NARS2: variants seen among roughly 807,000 people sequenced by gnomAD.
The protein encoded by NARS2 is asparaginyl-tRNA synthetase 2, mitochondrial.
A neutral mutation model predicts 62.9 loss-of-function variants in NARS2; 60 were observed. That is an observed-to-expected ratio of 0.95 (90% CI 0.77 to 1.18). The LOEUF (loss-of-function observed/expected upper bound fraction) is 1.18, where lower values mean the gene tolerates loss of function less well. Among genes scored for constraint, NARS2 ranks in the 50% most tolerant of loss-of-function variants. The pLI is 0.00. For synonymous variants in NARS2, 196 were observed against 200.0 expected (o/e 0.98, Z 0.17); for missense variants, 619 against 576.4 (o/e 1.07, Z -0.76).
Position 78,473,026 on chromosome 11 carries a change from T to C in NARS2, c.960-3713A>G, listed in dbSNP as rs139409988. Among the ~76,000 whole-genome samples the C allele has an allele frequency of 4.0e-3, 609 of 152,276 alleles. 10 individuals are homozygous for C. The highest frequency in any genetic ancestry group is 0.024 in the Middle Eastern group (7 of 294). ...GACTTAACAGTCTAAAGCAGCCGGGTGTGGTGGCCTGCACCAGTTGTCTCA... is the reference window on the plus strand; with the variant it reads ...GACTTAACAGTCTAAAGCAGCCGGGCGTGGTGGCCTGCACCAGTTGTCTCA... On this transcript the variant is annotated intron_variant, in intron 9 of 13. Coordinates refer to ENST00000281038, the MANE Select transcript of NARS2 (RefSeq NM_024678.6).
chr11:78,516,789 T>C (rs527496733), intron 6 of NARS2, among the ~76,000 whole-genome samples: 10 of 152,348 alleles, frequency 6.6e-5, no homozygotes, highest in Admixed American at 6.5e-5. Context: ...TAGAAACCCC[T>C]TTCCAATAGA....
intron 6 of NARS2, among the ~76,000 whole-genome samples, chr11:78,507,960 T>A (rs927770683): frequency 1.3e-5 from 2 of 152,114 alleles, no homozygotes; most frequent in Non-Finnish European, 2.9e-5. Context: ...TAAACAACTG[T>A]CTTAAAGACA....
intron 8 of NARS2, 26 bp from the exon 9 acceptor site, chr11:78,478,501 T>A (rs965206880): frequency 3.7e-5 from 45 of 1,227,528 alleles, no homozygotes; most frequent in Non-Finnish European, 4.4e-5. Context: ...AAAAAGAAAA[T>A]TTTAAAAATA....
chr11:78,504,319 T>A (rs1035621923), intron 6 of NARS2, among the ~76,000 whole-genome samples: 1 of 152,104 alleles, frequency 6.6e-6, no homozygotes, highest in South Asian at 2.1e-4. Flanking sequence ...TAAATCCACC[T>A]CTTAAATGTG....
intron 7 of NARS2, among the ~76,000 whole-genome samples, chr11:78,488,996 T>C (rs537947883): frequency 7.2e-5 from 11 of 152,212 alleles, no homozygotes; most frequent in South Asian, 2.1e-4. Context: ...AAATGGATCA[T>C]AGACTTACAT....
intron 5 of NARS2, among the ~76,000 whole-genome samples, chr11:78,554,441 AGT>A (rs966794430): frequency 2.0e-5 from 3 of 151,182 alleles, no homozygotes; most frequent in Non-Finnish European, 2.9e-5. Context: ...TTCTTTGAGC[AGT>A]GTTTTATAAT....
chr11:78,534,736 G>T (rs1861608229), intron 5 of NARS2, among the ~76,000 whole-genome samples: 1 of 152,134 alleles, frequency 6.6e-6, no homozygotes, highest in Non-Finnish European at 1.5e-5. Context: ...CCTATTACCT[G>T]GGAATAGCAG....
chr11:78,466,433 A>G (rs569083554), intron 10 of NARS2, among the ~76,000 whole-genome samples: 1 of 152,262 alleles, frequency 6.6e-6, no homozygotes, highest in African/African-American at 2.4e-5. Flanking sequence ...ATGATAGAAG[A>G]TAATATTCCT....
chr11:78,574,645 A>T lies in NARS2; in HGVS notation c.-157T>A. 1.3e-6 allele frequency: 1 copy of T among 749,164 alleles called. No individual in the cohort carries two copies. The highest frequency in any genetic ancestry group is 2.1e-6 in the Non-Finnish European group (1 of 475,526). 46.4% of individuals were successfully genotyped at this position (749,164 alleles called of 1,614,324 possible). A position where few individuals can be genotyped will look rare whatever the true frequency, so the allele number is the denominator to read the frequency against. On this transcript the variant is annotated 5_prime_UTR_variant, in exon 1 of 14. Coordinates refer to ENST00000281038, the MANE Select transcript of NARS2 (RefSeq NM_024678.6). The stretch of plus-strand genomic sequence containing the variant: ...TCGGCTGCGCGCTTTCTCCTTCAGG[A>T]CTCCCAGCTCTGTCCCCACAGAACC...
intron 11 of NARS2, among the ~76,000 whole-genome samples, chr11:78,457,820 AC>A (rs1274062109): frequency 6.6e-6 from 1 of 151,506 alleles, no homozygotes; most frequent in Non-Finnish European, 1.5e-5. Flanking sequence ...ACACACACAC[AC>A]ACACACAAAC....
chr11:78,492,557 T>C (rs1314466659), intron 7 of NARS2, among the ~76,000 whole-genome samples: 1 of 152,154 alleles, frequency 6.6e-6, no homozygotes, highest in Non-Finnish European at 1.5e-5. Context: ...TCCAGCCTTG[T>C]CCCCTGCTCA....
intron 4 of NARS2, among the ~76,000 whole-genome samples, chr11:78,559,879 GACAGA>G (rs1169770412): frequency 2.6e-5 from 4 of 152,184 alleles, no homozygotes; most frequent in Non-Finnish European, 5.9e-5. Context: ...TTAAGGCCCA[GACAGA>G]TTTAGTGACT....
chr11:78,476,050 C>G (rs114352513), intron 9 of NARS2, among the ~76,000 whole-genome samples: 2,284 of 152,290 alleles, frequency 0.015, 59 homozygotes, highest in African/African-American at 0.052. Flanking sequence ...TTTGTGATGT[C>G]TGCCTGCCTG....
At chr11:78,536,438 C>T (rs1223299402) in intron 5 of NARS2, among the ~76,000 whole-genome samples, 1 of 152,158 alleles carries the variant, frequency 6.6e-6, no homozygotes, top group Non-Finnish European at 1.5e-5. Flanking sequence ...GGACAAGATA[C>T]AGAGGTGGAA....
rs545948384 is a variant in NARS2, at chr11:78,491,191, G to A, written c.822+1872C>T. 3.9e-5 allele frequency among the ~76,000 whole-genome samples: 6 copies of A among 152,266 alleles called. No individual in the cohort carries two copies. The South Asian group carries it at 6.2e-4, about 16-fold the overall frequency. On this transcript the variant is annotated intron_variant, in intron 7 of 13. Transcript: ENST00000281038. ...TGATACTTTGGGCCAGCTAATTACC[G>A]GGGAGAAGGTGGCTGTGCACTTTAG...
At chr11:78,554,498 GGCGTGTGT>G (rs1856258347) in intron 5 of NARS2, among the ~76,000 whole-genome samples, 1 of 36,700 alleles carries the variant, frequency 2.7e-5, no homozygotes, top group Admixed American at 2.2e-4. Context: ...TGTATTCCTA[GGCGTGTGT>G]GCGTGTGTGT....
chr11:78,530,694 T>G (rs986927646), intron 5 of NARS2, among the ~76,000 whole-genome samples: 1 of 152,132 alleles, frequency 6.6e-6, no homozygotes, highest in Non-Finnish European at 1.5e-5. Flanking sequence ...GATGGTCTCC[T>G]GACCTCAAGT....
intron 6 of NARS2, among the ~76,000 whole-genome samples, chr11:78,516,954 A>G (rs1054360007): frequency 7.9e-5 from 12 of 152,244 alleles, no homozygotes; most frequent in Admixed American, 2.0e-4. Flanking sequence ...ACATTTAAAC[A>G]AGGAGGAGGT....
At chr11:78,571,651 GTAA>G (rs1267854962) in intron 1 of NARS2, 5 of 457,852 alleles carry the variant, frequency 1.1e-5, no homozygotes, top group East Asian at 3.2e-5. Flanking sequence ...TTTTGTTTTC[GTAA>G]TAATGCACAA....
Sources: gnomAD v4.1 joint callset for allele counts (sites outside exome capture counted in the v4.1 genomes callset) on GRCh38, gnomAD v4.1.1 for gene constraint, MANE v1.5 for transcripts, NCBI Gene and HGNC (gene_info 2026-07-23, HGNC 2026-07-21) for gene names.